The following NUP210L variants were observed in gnomAD, a reference collection of about 807,000 sequenced individuals.
NUP210L encodes nuclear pore membrane glycoprotein 210-like.
In NUP210L, 74 loss-of-function variants were observed where a neutral mutation model predicts 208.5. The observed-to-expected ratio is 0.35, with a 90% confidence interval of 0.29 to 0.43. The LOEUF (loss-of-function observed/expected upper bound fraction) is 0.43. Ranked by LOEUF, NUP210L falls within the 20% of genes least tolerant of loss-of-function variation. The pLI is 1.00. For missense variants in NUP210L, 1,843 were observed against 2,289.4 expected, an observed-to-expected ratio of 0.81 and a Z score of 3.98; for synonymous variants, 780 against 816.9, an observed-to-expected ratio of 0.95 and a Z score of 0.77.
chr1:154,135,634 G>A (rs554092889), intron 7 of NUP210L, among the ~76,000 whole-genome samples, 180 bp downstream of exon 7: 13 of 152,084 alleles, frequency 8.5e-5, no homozygotes, highest in African/African-American at 1.9e-4. Context: ...TGTTAGCCAG[G>A]ATGGTCTCGA....
At chr1:154,115,956 T>C (rs1657299770) in intron 12 of NUP210L, among the ~76,000 whole-genome samples, 1 of 151,948 alleles carries the variant, frequency 6.6e-6, no homozygotes, top group South Asian at 2.1e-4. Flanking sequence ...CCGTCTCTAC[T>C]GAAAATACAA....
intron 7 of NUP210L, 27 bp from the exon 8 acceptor site, chr1:154,129,372 T>C (rs765500416): frequency 2.2e-5 from 33 of 1,470,070 alleles, no homozygotes; most frequent in Non-Finnish European, 3.0e-5. Context: ...GGAAATCATG[T>C]GAGCCAGAGT....
rs765576720 is a variant in NUP210L at position 154,100,084 on chromosome 1, CA to C, written c.1878del (p.Gly627AlafsTer5). On this transcript the variant is annotated frameshift_variant, in exon 14 of 40. Transcript: ENST00000368559. LOFTEE classifies it high-confidence loss of function. The stretch of plus-strand genomic sequence containing the variant: ...ACACTTACTGTTACCAGAGTATGGC[CA>C]AGAGATTTAGCTGCGATATGTGTAC... The C allele has an allele frequency of 6.2e-7, 1 of 1,613,952 alleles. No individual in the cohort carries two copies. The highest frequency in any genetic ancestry group is 2.2e-5 in the East Asian group (1 of 44,874).
At chr1:154,052,183 C>T (rs1018566698) in intron 25 of NUP210L, among the ~76,000 whole-genome samples, 5 of 152,146 alleles carry the variant, frequency 3.3e-5, no homozygotes, top group Non-Finnish European at 7.4e-5. Context: ...TAGTGAGATC[C>T]GTTAGCAAAA....
At chr1:154,058,033 G>A in intron 22 of NUP210L, 56 bp downstream of exon 22, 1 of 1,590,390 alleles carries the variant, frequency 6.3e-7, no homozygotes, top group Non-Finnish European at 8.6e-7. Context: ...CAGGTCACTA[G>A]GAGGGAGAGT....
rs576251184 is a variant in NUP210L, at chr1:154,023,956, T to C, written c.4123-659A>G. On this transcript the variant is annotated intron_variant, in intron 30 of 39. Transcript: ENST00000368559. Reference sequence around the variant, plus strand: ...GCGCCCGCCACAATGCCCGGCTAATTTTTTTGTATTTTTAGTAGAGATGGG... The same window carrying C: ...GCGCCCGCCACAATGCCCGGCTAATCTTTTTGTATTTTTAGTAGAGATGGG... 2.5e-3 allele frequency among the ~76,000 whole-genome samples: 382 copies of C among 151,574 alleles called. 3 individuals are homozygous for C. Among genetic ancestry groups the C allele is most frequent in the Middle Eastern group, 0.017 (5 of 292 alleles).
At chr1:154,030,387 T>C (rs1652145699) in intron 27 of NUP210L, among the ~76,000 whole-genome samples, 1 of 151,968 alleles carries the variant, frequency 6.6e-6, no homozygotes, top group Non-Finnish European at 1.5e-5. Flanking sequence ...AGCCTCGACC[T>C]CCCGGGCTCC....
intron 25 of NUP210L, 108 bp downstream of exon 25, chr1:154,054,120 G>T: frequency 8.7e-7 from 1 of 1,148,022 alleles, no homozygotes; most frequent in Non-Finnish European, 1.3e-6. Context: ...GCACTCTAAG[G>T]CTTTTCCTGG....
chr1:154,010,110 G>C, exon 35 of NUP210L: 1 of 1,613,282 alleles, frequency 6.2e-7, no homozygotes. Context: ...GCCTGGTTTG[G>C]GGTACAGAAT....
At chr1:154,009,084 A>AT (rs1289252618) in intron 35 of NUP210L, among the ~76,000 whole-genome samples, 1 of 151,684 alleles carries the variant, frequency 6.6e-6, no homozygotes, top group Non-Finnish European at 1.5e-5. Flanking sequence ...TAATTTTTGT[A>AT]TTTTTAGTAG....
chr1:154,039,718 C>T (rs186511747), intron 27 of NUP210L, among the ~76,000 whole-genome samples: 2 of 152,108 alleles, frequency 1.3e-5, no homozygotes, highest in African/African-American at 2.4e-5. Flanking sequence ...TTTTCTTCTG[C>T]TTTAGGATCC....
intron 10 of NUP210L, among the ~76,000 whole-genome samples, chr1:154,125,172 G>A (rs974631709): frequency 1.3e-5 from 2 of 152,096 alleles, no homozygotes; most frequent in African/African-American, 2.4e-5. Flanking sequence ...AGGTGTGGCC[G>A]GTTGTGGTGG....
At chr1:154,127,131 A>G (rs915805432) in intron 9 of NUP210L, among the ~76,000 whole-genome samples, 180 bp downstream of exon 9, 2 of 151,604 alleles carry the variant, frequency 1.3e-5, no homozygotes, top group Non-Finnish European at 2.9e-5. Context: ...AAAAGAAGAA[A>G]AAGAAGAAGA....
Position 154,100,057 on chromosome 1 carries a change from TCA to T in NUP210L, c.1904_1905del (p.Val635GlufsTer2). 6.2e-7 allele frequency: 1 copy of T among 1,614,092 alleles called. No individual in the cohort carries two copies. Among genetic ancestry groups the T allele is most frequent in the East Asian group, 2.2e-5 (1 of 44,882 alleles). ...CTCTCCAAGTACTTGTCACATTCATTCACACTTACTGTTACCAGAGTATGGCC... is the reference window on the plus strand; with the variant it reads ...CTCTCCAAGTACTTGTCACATTCATTCACTTACTGTTACCAGAGTATGGCC... On this transcript the variant is annotated frameshift_variant, in exon 14 of 40. Transcript: ENST00000368559. LOFTEE classifies it high-confidence loss of function.
At chr1:154,124,627 CA>C (rs1262705420) in intron 10 of NUP210L, among the ~76,000 whole-genome samples, 1 of 152,076 alleles carries the variant, frequency 6.6e-6, no homozygotes, top group East Asian at 1.9e-4. Flanking sequence ...AATAAATTGG[CA>C]TATGAAACCT....
intron 37 of NUP210L, among the ~76,000 whole-genome samples, chr1:153,996,838 G>A (rs1649900610): frequency 7.1e-6 from 1 of 140,980 alleles, no homozygotes; most frequent in South Asian, 2.2e-4. Flanking sequence ...CAATAAAACT[G>A]TAGACTTGCC....
intron 7 of NUP210L, among the ~76,000 whole-genome samples, chr1:154,131,784 TTTTC>T (rs1182878833): frequency 4.6e-5 from 7 of 152,008 alleles, no homozygotes; most frequent in African/African-American, 1.2e-4. Flanking sequence ...TCTTTCTGGT[TTTTC>T]TTTCTTTTTT....
At chr1:154,001,706 G>A in intron 36 of NUP210L, 29 bp downstream of exon 36, 1 of 1,605,828 alleles carries the variant, frequency 6.2e-7, no homozygotes, top group Non-Finnish European at 8.5e-7. Flanking sequence ...CTGATCTCTT[G>A]TTCTGTTTTG....
intron 14 of NUP210L, among the ~76,000 whole-genome samples, chr1:154,096,768 A>G (rs1656198989): frequency 6.6e-6 from 1 of 151,740 alleles, no homozygotes; most frequent in Non-Finnish European, 1.5e-5. Context: ...AAAAAAAAAA[A>G]GACATGTTAC....
Sources: gnomAD v4.1 joint callset for allele counts (sites outside exome capture counted in the v4.1 genomes callset) on GRCh38, gnomAD v4.1.1 for gene constraint, MANE v1.5 for transcripts, NCBI Gene and HGNC (gene_info 2026-07-23, HGNC 2026-07-21) for gene names.